UBE2QL1: variants seen among roughly 807,000 people sequenced by gnomAD.
UBE2QL1 encodes the protein ubiquitin-conjugating enzyme E2Q-like protein 1.
In UBE2QL1, 5 loss-of-function variants were observed where a neutral mutation model predicts 12.6. That is an observed-to-expected ratio of 0.40 (90% confidence interval 0.21 to 0.83). UBE2QL1 has a LOEUF of 0.83. UBE2QL1 is among the 40% of genes least tolerant of loss of function. The probability of loss-of-function intolerance (pLI) is 0.37; values close to 1 mark genes in which losing one functional copy is unlikely to be tolerated. For missense variants in UBE2QL1, 99 were observed against 222.6 expected (o/e 0.44, Z 3.53); for synonymous variants, 96 against 94.5 (o/e 1.02, Z -0.10).
rs903185430 is a variant in UBE2QL1 at position 6,454,839 on chromosome 5, C to T, written c.354+5592C>T. Among the ~76,000 whole-genome samples the T allele has an allele frequency of 8.6e-5, 13 of 151,950 alleles. 1 individual carries two copies. Among genetic ancestry groups the T allele is most frequent in the East Asian group, 3.9e-4 (2 of 5,176 alleles). ...TGTGTCCTGCACTGTGTACAGGGCACGGAGATTATTGCCACCACCGATGAC... is the reference window on the plus strand; with the variant it reads ...TGTGTCCTGCACTGTGTACAGGGCATGGAGATTATTGCCACCACCGATGAC... On this transcript the variant is annotated intron_variant, in intron 1 of 1. Coordinates refer to ENST00000399816, the MANE Select transcript of UBE2QL1 (RefSeq NM_001145161.3).
chr5:6,463,741 C>T (rs904127447), intron 1 of UBE2QL1, among the ~76,000 whole-genome samples: 10 of 142,418 alleles, frequency 7.0e-5, no homozygotes, highest in Admixed American at 6.3e-4. Flanking sequence ...CGTTCTCCTG[C>T]CTCAGCCTCC....
intron 1 of UBE2QL1, among the ~76,000 whole-genome samples, chr5:6,469,288 G>A (rs1739857994): frequency 6.6e-6 from 1 of 152,078 alleles, no homozygotes; most frequent in African/African-American, 2.4e-5. Context: ...CATTCCAGAT[G>A]CTTCATGAGT....
chr5:6,466,089 G>C (rs577287724), intron 1 of UBE2QL1, among the ~76,000 whole-genome samples: 1 of 152,024 alleles, frequency 6.6e-6, no homozygotes, highest in Admixed American at 6.5e-5. Context: ...GCCCTGAGCA[G>C]TGCGGGGAGG....
intron 1 of UBE2QL1, among the ~76,000 whole-genome samples, chr5:6,465,281 A>G (rs1272036835): frequency 6.6e-6 from 1 of 152,144 alleles, no homozygotes; most frequent in African/African-American, 2.4e-5. Context: ...GCCACCACGC[A>G]CAGTCAGCAT....
chr5:6,467,421 C>T (rs1739820042), intron 1 of UBE2QL1, among the ~76,000 whole-genome samples: 1 of 152,100 alleles, frequency 6.6e-6, no homozygotes, highest in Admixed American at 6.5e-5. Flanking sequence ...TCATCTTCTC[C>T]CTGGGTCCTC....
In UBE2QL1 at chr5:6,472,051, G is replaced by A. The variant is rs75829720; in HGVS notation, c.355-19167G>A. On this transcript the variant is annotated intron_variant, in intron 1 of 1. Coordinates refer to ENST00000399816, the MANE Select transcript of UBE2QL1 (RefSeq NM_001145161.3). ...CCTGTCAGGTGTGTCATGTCATTCC[G>A]TGCATATGTGTGTTTCATCAGCCCA... 2.5e-3 allele frequency among the ~76,000 whole-genome samples: 376 copies of A among 152,184 alleles called. 1 individual carries two copies. Among genetic ancestry groups the A allele is most frequent in the African/African-American group, 8.6e-3 (358 of 41,504 alleles).
At chr5:6,466,570 A>G (rs1236030176) in intron 1 of UBE2QL1, among the ~76,000 whole-genome samples, 1 of 152,220 alleles carries the variant, frequency 6.6e-6, no homozygotes, top group Non-Finnish European at 1.5e-5. Flanking sequence ...CTCAGCACCT[A>G]TCGGAGAATG....
intron 1 of UBE2QL1, among the ~76,000 whole-genome samples, chr5:6,464,574 T>G (rs1382178924): frequency 2.0e-5 from 3 of 152,168 alleles, no homozygotes; most frequent in Non-Finnish European, 4.4e-5. Flanking sequence ...CTTGAACAGT[T>G]TCTGGAGGTT....
intron 1 of UBE2QL1, among the ~76,000 whole-genome samples, chr5:6,466,466 T>C (rs1739796525): frequency 6.6e-6 from 1 of 152,218 alleles, no homozygotes; most frequent in Non-Finnish European, 1.5e-5. Context: ...AATCTGGGGC[T>C]GGACGCTCCC....
intron 1 of UBE2QL1, among the ~76,000 whole-genome samples, chr5:6,451,248 A>ATTTT (rs11385108): frequency 3.3e-5 from 5 of 150,290 alleles, no homozygotes; most frequent in African/African-American, 1.2e-4. Context: ...AGAAATGGGG[A>ATTTT]TTTTTTTTTT....
At chr5:6,486,991 C>G (rs1579302903) in intron 1 of UBE2QL1, among the ~76,000 whole-genome samples, 1 of 152,216 alleles carries the variant, frequency 6.6e-6, no homozygotes, top group African/African-American at 2.4e-5. Flanking sequence ...TCTGTCCCAA[C>G]AGCTGCAACA....
intron 1 of UBE2QL1, among the ~76,000 whole-genome samples, chr5:6,477,788 T>G (rs1734270549): frequency 6.6e-6 from 1 of 152,322 alleles, no homozygotes; most frequent in Non-Finnish European, 1.5e-5. Context: ...TGACCAAATC[T>G]GGGTGGTTCT....
At chr5:6,459,687 A>C (rs1299753655) in intron 1 of UBE2QL1, among the ~76,000 whole-genome samples, 8 of 152,266 alleles carry the variant, frequency 5.3e-5, no homozygotes, top group Admixed American at 5.2e-4. Context: ...ATTAAATATT[A>C]AGATCTAGAG....
chr5:6,460,421 T>C (rs1359181390), intron 1 of UBE2QL1, among the ~76,000 whole-genome samples: 2 of 152,232 alleles, frequency 1.3e-5, no homozygotes, highest in African/African-American at 4.8e-5. Context: ...GCTTTCATAA[T>C]GATGAGTGTT....
At position 6,479,698 on chromosome 5, in the gene UBE2QL1, A is replaced by C. The variant is rs1056396613; in HGVS notation, c.355-11520A>C. Among the ~76,000 whole-genome samples, 8 of 152,184 alleles carry C rather than the reference A, an allele frequency of 5.3e-5. No individual in the cohort carries two copies. Among genetic ancestry groups the C allele is most frequent in the African/African-American group, 1.7e-4 (7 of 41,446 alleles). On this transcript the variant is annotated intron_variant, in intron 1 of 1. Transcript: ENST00000399816. This position sits in a 1 kb window ranked among gnomAD's most constrained non-coding sequence, Gnocchi z 4.2. The stretch of plus-strand genomic sequence containing the variant: ...GTGCTGAGTAAGTGTTTCGGCCTTG[A>C]GAGTGGAGTGCAGCATCCTGGGTGC...
chr5:6,486,897 C>T (rs1734478013), intron 1 of UBE2QL1, among the ~76,000 whole-genome samples: 1 of 152,188 alleles, frequency 6.6e-6, no homozygotes, highest in Non-Finnish European at 1.5e-5. Flanking sequence ...TCCTTCCATG[C>T]AGGTATAGCC....
intron 1 of UBE2QL1, among the ~76,000 whole-genome samples, chr5:6,459,712 C>T (rs1459056862): frequency 6.6e-6 from 1 of 152,184 alleles, no homozygotes; most frequent in Non-Finnish European, 1.5e-5. Flanking sequence ...GTCTAACACT[C>T]TCCTAATCTG....
chr5:6,475,327 G>C (rs1734208406), intron 1 of UBE2QL1, among the ~76,000 whole-genome samples: 1 of 152,148 alleles, frequency 6.6e-6, no homozygotes, highest in South Asian at 2.1e-4. Context: ...TTTGAACTTA[G>C]AATCAACTTC....
At position 6,493,377 on chromosome 5, in the gene UBE2QL1, C is replaced by G. The variant is rs1205480495; in HGVS notation, c.*2028C>G. ...TTCCTCTTCTAATGAAAACTAAAAG[C>G]AGCTTTACTTTAGGGGGAAAAATAT... is the stretch of plus-strand genomic sequence containing the variant. On this transcript the variant is annotated 3_prime_UTR_variant, in exon 2 of 2. Coordinates refer to ENST00000399816, the MANE Select transcript of UBE2QL1 (RefSeq NM_001145161.3). 1 of 152,216 alleles carries G rather than the reference C, an allele frequency of 6.6e-6. No individual in the cohort carries two copies. Among genetic ancestry groups the G allele is most frequent in the Admixed American group, 6.5e-5 (1 of 15,290 alleles). 9.4% of individuals were successfully genotyped at this position (152,216 alleles called of 1,614,324 possible).
Sources: allele counts gnomAD v4.1 joint callset (sites outside exome capture counted in the v4.1 genomes callset), GRCh38; gene constraint gnomAD v4.1.1; non-coding constraint Gnocchi (gnomAD v3.1); transcripts MANE v1.5; gene names NCBI Gene and HGNC (gene_info 2026-07-23, HGNC 2026-07-21).